Variants in PLEKHA6 observed in about 807,000 individuals in gnomAD.
PLEKHA6 encodes pleckstrin homology domain containing A6.
Under a neutral mutation model 116.7 loss-of-function variants are expected in PLEKHA6, and 60 were observed. The observed-to-expected ratio is 0.51, with a 90% CI of 0.42 to 0.64. The LOEUF is 0.64. Among genes scored for constraint, PLEKHA6 ranks in the 30% least tolerant of loss-of-function variants. PLEKHA6 has a pLI of 0.00. For synonymous variants in PLEKHA6, 489 were observed against 556.1 expected, an observed-to-expected ratio of 0.88 and a Z score of 1.70; for missense variants, 1,338 against 1,422.7, an observed-to-expected ratio of 0.94 and a Z score of 0.96.
Position 204,238,336 on chromosome 1 carries a change from AGAAGCCCCTAG to A in PLEKHA6, c.2409+3028_2409+3038del, listed in dbSNP as rs972467734. Among the ~76,000 whole-genome samples, 10 of 152,314 alleles carry A rather than the reference AGAAGCCCCTAG, an allele frequency of 6.6e-5. No individual in the cohort carries two copies. Among genetic ancestry groups the A allele is most frequent in the African/African-American group, 2.4e-4 (10 of 41,572 alleles). ...CAGGCCCCCATAGGTGAATCACAGC[AGAAGCCCCTAG>A]GATTTTGGAGCAAGGCCCTGCCATC... On this transcript the variant is annotated intron_variant, in intron 17 of 22. Transcript: ENST00000272203. This position sits in a 1 kb window ranked among gnomAD's most constrained non-coding sequence, Gnocchi z 4.2.
At chr1:204,329,678 G>A (rs1354050629) in intron 1 of PLEKHA6, among the ~76,000 whole-genome samples, 1 of 152,174 alleles carries the variant, frequency 6.6e-6, no homozygotes, top group Non-Finnish European at 1.5e-5. Context: ...TACATTTACA[G>A]GAACTACAGG....
At chr1:204,275,119 G>A (rs1667866208) in intron 1 of PLEKHA6, 1 of 172,196 alleles carries the variant, frequency 5.8e-6, no homozygotes, top group African/African-American at 2.4e-5. Context: ...TGGGGAAGAG[G>A]GGTTCCAACA....
At chr1:204,356,566 C>CT (rs1447153924) in intron 1 of PLEKHA6, among the ~76,000 whole-genome samples, 3 of 142,462 alleles carry the variant, frequency 2.1e-5, no homozygotes, top group African/African-American at 9.0e-5. Context: ...GGCCCTGTCT[C>CT]AAATAATAAT....
chr1:204,356,559 C>T (rs981897142), intron 1 of PLEKHA6, among the ~76,000 whole-genome samples: 8 of 146,414 alleles, frequency 5.5e-5, no homozygotes, highest in Admixed American at 4.7e-4. Flanking sequence ...AGAACAAGGC[C>T]CTGTCTCAAA....
chr1:204,245,051 C>T, intron 14 of PLEKHA6, 48 bp from the exon 15 acceptor site: 1 of 1,340,184 alleles, frequency 7.5e-7, no homozygotes, highest in Non-Finnish European at 9.7e-7. Flanking sequence ...GGGGTGCGGC[C>T]TGGTGGGTAG....
chr1:204,359,937 G>C (rs923509105), upstream of PLEKHA6: 3 of 152,942 alleles, frequency 2.0e-5, no homozygotes, highest in African/African-American at 7.2e-5. Flanking sequence ...GGCAGAGGCA[G>C]CTGGGCATGC....
At position 204,276,637 on chromosome 1, in the gene PLEKHA6, GACACACACACAC is replaced by G. The variant is rs10567692; in HGVS notation, c.-94-1840_-94-1829del. Among the ~76,000 whole-genome samples, 143 of 136,926 alleles carry G rather than the reference GACACACACACAC, an allele frequency of 1.0e-3. 3 individuals are homozygous for G. The highest frequency in any genetic ancestry group is 8.8e-4 in the Admixed American group (12 of 13,612). The allele number at this position is 136,926 out of a possible 152,430, so 89.8% of individuals were successfully genotyped here. A position where few individuals can be genotyped will look rare whatever the true frequency, so the allele number is the denominator to read the frequency against. On this transcript the variant is annotated intron_variant, in intron 1 of 22. Transcript: ENST00000272203. ...AATCTTCCCTGCAGGCACTGGCACA[GACACACACACAC>G]ACACACACACACACACACACACACA... is the stretch of plus-strand genomic sequence containing the variant.
chr1:204,247,530 AC>A, intron 12 of PLEKHA6, 70 bp from the exon 13 acceptor site: 1 of 1,009,996 alleles, frequency 9.9e-7, no homozygotes, highest in South Asian at 1.3e-5. Context: ...CCTGCAATGG[AC>A]CCTGGGGCCA....
chr1:204,313,647 C>T, intron 1 of PLEKHA6: 1 of 984,806 alleles, frequency 1.0e-6, no homozygotes, highest in Non-Finnish European at 1.2e-6. Flanking sequence ...TATGATTCTC[C>T]ACCTCCATGC....
At chr1:204,226,382 G>C (rs1489406902) in intron 21 of PLEKHA6, among the ~76,000 whole-genome samples, 2 of 152,170 alleles carry the variant, frequency 1.3e-5, no homozygotes, top group Admixed American at 6.5e-5. Flanking sequence ...GGGACCTTTG[G>C]CTGAGGAACT....
At chr1:204,320,701 C>T (rs936539408) in intron 1 of PLEKHA6, among the ~76,000 whole-genome samples, 5 of 152,196 alleles carry the variant, frequency 3.3e-5, no homozygotes, top group African/African-American at 1.2e-4. Flanking sequence ...ACATCAACTG[C>T]TCCCTCCACG....
chr1:204,271,442 A>G (rs572473053), intron 3 of PLEKHA6, among the ~76,000 whole-genome samples: 1 of 152,328 alleles, frequency 6.6e-6, no homozygotes, highest in East Asian at 1.9e-4. Context: ...CTGGGAAATA[A>G]CATTATTATC....
chr1:204,299,913 A>G (rs951961780), intron 1 of PLEKHA6, among the ~76,000 whole-genome samples: 3 of 152,062 alleles, frequency 2.0e-5, no homozygotes, highest in African/African-American at 7.2e-5. Flanking sequence ...CGGCCCTTCT[A>G]CTGCTTGGAG....
rs150173263 is a variant in PLEKHA6 at position 204,273,699 on chromosome 1, G to A, written c.29C>T (p.Pro10Leu). ...GGGTATGTCACTGTTGGTGGTAGCCGGGCGTTTCCCACCTGTTTTATTGGA... is the reference window on the plus strand; with the variant it reads ...GGGTATGTCACTGTTGGTGGTAGCCAGGCGTTTCCCACCTGTTTTATTGGA... MSNKTGGKR[P>L]ATTNSDIPNH... The change falls in exon 3 of 23, where the codon CCG becomes CTG. Residue 10 changes from proline to leucine, a missense_variant. By Grantham distance (98) the Pro-to-Leu change is moderately conservative. Transcript: ENST00000272203. 2.1e-3 allele frequency: 3,357 copies of A among 1,614,034 alleles called. 6 individuals carry two copies. Among genetic ancestry groups the A allele is most frequent in the Non-Finnish European group, 2.6e-3 (3,091 of 1,179,948 alleles).
At chr1:204,375,322 C>A (rs939161298) in intron 1 of PLEKHA6, among the ~76,000 whole-genome samples, 2 of 152,124 alleles carry the variant, frequency 1.3e-5, no homozygotes, top group Non-Finnish European at 2.9e-5. Context: ...TGTTTCCCCA[C>A]TAACCCTGTA....
At chr1:204,319,025 C>T (rs1389499791) in intron 1 of PLEKHA6, among the ~76,000 whole-genome samples, 1 of 152,214 alleles carries the variant, frequency 6.6e-6, no homozygotes. Flanking sequence ...TCTGCCCTTG[C>T]TTCCTTCCCA....
In PLEKHA6 at chr1:204,241,769, A is replaced by G. The variant is rs1386956372; in HGVS notation, c.2218T>C (p.Leu740=). 6.2e-7 allele frequency: 1 copy of G among 1,614,062 alleles called. No individual in the cohort carries two copies. Among genetic ancestry groups the G allele is most frequent in the Non-Finnish European group, 8.5e-7 (1 of 1,179,956 alleles). ...EQSKKDPHQT[L]PLDTPRDISL... ...ATGTCTCTGGGGGTGTCCAGGGGCAATGTCTGGTGGGGGTCTTTCTTGCTT... is the reference window on the plus strand; with the variant it reads ...ATGTCTCTGGGGGTGTCCAGGGGCAGTGTCTGGTGGGGGTCTTTCTTGCTT... Residue 740 remains leucine, a synonymous_variant, in exon 16 of 23, where the codon TTG becomes CTG. Transcript: ENST00000272203.
intron 1 of PLEKHA6, among the ~76,000 whole-genome samples, chr1:204,303,054 T>A (rs1670973036): frequency 6.6e-6 from 1 of 152,164 alleles, no homozygotes; most frequent in Non-Finnish European, 1.5e-5. Flanking sequence ...TTCCCCCCTC[T>A]GCTAGTTTGA....
rs774309605 is a variant in PLEKHA6, at chr1:204,259,352, G to C, written c.913C>G (p.Pro305Ala). 6.2e-7 allele frequency: 1 copy of C among 1,614,244 alleles called. No individual in the cohort carries two copies. The highest frequency in any genetic ancestry group is 8.5e-7 in the Non-Finnish European group (1 of 1,180,050). ...CTCTTGCGCTGGGCAATTTTGTCAGGGTTGGTGCGTGGTGGGAAACTCCGC... is the reference window on the plus strand; with the variant it reads ...CTCTTGCGCTGGGCAATTTTGTCAGCGTTGGTGCGTGGTGGGAAACTCCGC... Reference protein sequence around the residue: ...HRRSFPPRTNPDKIAQRKSSM... With the variant: ...HRRSFPPRTNADKIAQRKSSM... The change falls in exon 8 of 23, where the codon CCT (proline) becomes GCT (alanine). Residue 305 changes from proline to alanine, a missense_variant. Physicochemically the swap from Pro to Ala is conservative, Grantham distance 27. Around this residue, in one of 3 missense-constraint regions of PLEKHA6, gnomAD observed 1,136 missense variants for 1,163.6 expected, o/e 0.98. Coordinates refer to ENST00000272203, the MANE Select transcript of PLEKHA6 (RefSeq NM_014935.5). The surrounding 1 kb of genome is among the most constrained non-coding windows in gnomAD (Gnocchi z 4.6).
Sources: allele counts gnomAD v4.1 joint callset (sites outside exome capture counted in the v4.1 genomes callset), GRCh38; gene constraint gnomAD v4.1.1; regional missense constraint gnomAD v4.1.1; non-coding constraint Gnocchi (gnomAD v3.1); transcripts MANE v1.5; gene names NCBI Gene and HGNC (gene_info 2026-07-23, HGNC 2026-07-21).